Variants in LRP1B observed in about 807,000 individuals in gnomAD.
LRP1B encodes low-density lipoprotein receptor-related protein 1B.
LRP1B carries 217 observed loss-of-function variants against 556.6 expected under a neutral mutation model. That is an observed-to-expected ratio of 0.39 (90% CI 0.35 to 0.44). The LOEUF (loss-of-function observed/expected upper bound fraction) is 0.44, where lower values mean the gene tolerates loss of function less well. Ranked by LOEUF, LRP1B falls within the 20% of genes least tolerant of loss-of-function variation. LRP1B has a pLI of 1.00. For missense variants in LRP1B, 5,053 were observed against 5,620.8 expected (o/e 0.90, Z 3.23); for synonymous variants, 2,047 against 1,865.8 (o/e 1.10, Z -2.50).
intron 43 of LRP1B, among the ~76,000 whole-genome samples, chr2:140,583,758 T>G (rs1212937086): frequency 6.9e-6 from 1 of 144,216 alleles, no homozygotes; most frequent in Non-Finnish European, 1.6e-5. Context: ...TAATTTAGCA[T>G]CTTGATTTTT....
intron 32 of LRP1B, among the ~76,000 whole-genome samples, chr2:140,791,592 T>C (rs913388223): frequency 6.6e-6 from 1 of 152,226 alleles, no homozygotes; most frequent in African/African-American, 2.4e-5. Flanking sequence ...TGGTTATACC[T>C]CTTTAAATTC....
At chr2:141,426,577 T>A (rs1028005280) in intron 3 of LRP1B, among the ~76,000 whole-genome samples, 3 of 117,942 alleles carry the variant, frequency 2.5e-5, no homozygotes, top group Non-Finnish European at 5.7e-5. Flanking sequence ...GAATATTTGA[T>A]AAAAATTCAG....
intron 89 of LRP1B, 53 bp downstream of exon 89, chr2:140,238,099 G>C (rs1680790778): frequency 6.8e-7 from 1 of 1,477,814 alleles, no homozygotes; most frequent in Non-Finnish European, 9.1e-7. Flanking sequence ...ATAAAACAGA[G>C]ATGCGACTCA....
At chr2:141,001,656 G>A (rs950453825) in intron 15 of LRP1B, among the ~76,000 whole-genome samples, 1 of 151,994 alleles carries the variant, frequency 6.6e-6, no homozygotes, top group African/African-American at 2.4e-5. Flanking sequence ...CAGACTATAA[G>A]GTCTGTAACT....
At chr2:140,639,817 A>C (rs1259397131) in intron 41 of LRP1B, among the ~76,000 whole-genome samples, 1 of 152,042 alleles carries the variant, frequency 6.6e-6, no homozygotes, top group East Asian at 1.9e-4. Context: ...CGCCGTTCTG[A>C]CCTAATCAAC....
intron 1 of LRP1B, among the ~76,000 whole-genome samples, chr2:141,927,074 A>T (rs1700354306): frequency 6.6e-6 from 1 of 152,152 alleles, no homozygotes; most frequent in African/African-American, 2.4e-5. Flanking sequence ...TCTTAAAGGT[A>T]AGGGTTCCAT....
chr2:140,364,508 TTACCTGAAC>T (rs1427306819), intron 72 of LRP1B, among the ~76,000 whole-genome samples, 144 bp downstream of exon 72: 1 of 151,668 alleles, frequency 6.6e-6, no homozygotes, highest in African/African-American at 2.4e-5. Flanking sequence ...TATCCCTTTA[TTACCTGAAC>T]AAAAGCTGTA....
chr2:141,680,581 A>G (rs1691066010), intron 2 of LRP1B, among the ~76,000 whole-genome samples: 1 of 152,184 alleles, frequency 6.6e-6, no homozygotes, highest in African/African-American at 2.4e-5. Flanking sequence ...AGATGCAGAA[A>G]AAATATTTTC....
At chr2:142,051,810 C>T (rs768484874) in intron 1 of LRP1B, among the ~76,000 whole-genome samples, 5 of 151,990 alleles carry the variant, frequency 3.3e-5, no homozygotes, top group African/African-American at 7.2e-5. Flanking sequence ...CAAAAATGCA[C>T]GCTGGATTTC....
At chr2:141,213,944 C>A (rs1400042916) in intron 6 of LRP1B, among the ~76,000 whole-genome samples, 2 of 152,004 alleles carry the variant, frequency 1.3e-5, no homozygotes, top group Admixed American at 6.5e-5. Context: ...TTTAAGTCAT[C>A]TCTAGGTTAC....
chr2:140,383,812 G>C (rs974842418), intron 67 of LRP1B, among the ~76,000 whole-genome samples: 1 of 152,134 alleles, frequency 6.6e-6, no homozygotes, highest in Non-Finnish European at 1.5e-5. Context: ...CAAGCTCAGA[G>C]TGAACAGAAA....
At chr2:141,388,820 C>T (rs80102146) in intron 3 of LRP1B, among the ~76,000 whole-genome samples, 2,211 of 152,124 alleles carry the variant, frequency 0.015, 56 homozygotes, top group African/African-American at 0.051. Flanking sequence ...TTGCCGGGCA[C>T]ATGATTGACA....
chr2:140,966,251 C>A (rs1344487528), intron 18 of LRP1B, among the ~76,000 whole-genome samples: 2 of 152,168 alleles, frequency 1.3e-5, no homozygotes, highest in Non-Finnish European at 2.9e-5. Context: ...GCCATTCTAA[C>A]TGGTGTGAGA....
chr2:140,346,620 T>C (rs1681698195), intron 77 of LRP1B, among the ~76,000 whole-genome samples: 1 of 151,944 alleles, frequency 6.6e-6, no homozygotes, highest in Non-Finnish European at 1.5e-5. Context: ...AAATAAGACT[T>C]TTAAGTGTTT....
chr2:141,980,976 G>A (rs957407570), intron 1 of LRP1B, among the ~76,000 whole-genome samples: 2 of 151,908 alleles, frequency 1.3e-5, no homozygotes, highest in African/African-American at 4.8e-5. Flanking sequence ...ATTTATGCAG[G>A]CAAATATTCG....
intron 1 of LRP1B, among the ~76,000 whole-genome samples, chr2:141,820,993 C>T (rs1196894236): frequency 1.3e-5 from 2 of 152,158 alleles, no homozygotes; most frequent in East Asian, 3.9e-4. Context: ...CCAATATCAT[C>T]ACAAGGGTGC....
intron 7 of LRP1B, among the ~76,000 whole-genome samples, chr2:141,146,475 G>C (rs559957069): frequency 6.6e-6 from 1 of 152,088 alleles, no homozygotes; most frequent in African/African-American, 2.4e-5. Context: ...AGATTAACTG[G>C]CAATTTTTCA....
intron 7 of LRP1B, among the ~76,000 whole-genome samples, chr2:141,129,733 T>A (rs1233435664): frequency 1.3e-5 from 2 of 151,866 alleles, no homozygotes; most frequent in Admixed American, 6.6e-5. Flanking sequence ...AGGAAGATAA[T>A]TGAATAAAAT....
intron 1 of LRP1B, among the ~76,000 whole-genome samples, chr2:141,812,759 GAGA>G (rs1288159833): frequency 6.6e-6 from 1 of 152,090 alleles, no homozygotes; most frequent in Non-Finnish European, 1.5e-5. Context: ...CAATTCTCTA[GAGA>G]AGATTTCAAG....
Sources: gnomAD v4.1 joint callset for allele counts (sites outside exome capture counted in the v4.1 genomes callset) on GRCh38, gnomAD v4.1.1 for gene constraint, MANE v1.5 for transcripts, NCBI Gene and HGNC (gene_info 2026-07-23, HGNC 2026-07-21) for gene names.